The following BMP6 variants were observed in gnomAD, a reference collection of about 807,000 sequenced individuals.
BMP6 encodes the protein VG-1-R.
Under a neutral mutation model 54.1 loss-of-function variants are expected in BMP6, and 17 were observed. The observed-to-expected ratio is 0.31, with a 90% confidence interval of 0.22 to 0.47. BMP6 has a LOEUF of 0.47. BMP6 is among the 20% of genes least tolerant of loss of function. BMP6 has a pLI of 1.00. For synonymous variants in BMP6, 328 were observed against 291.2 expected (o/e 1.13, Z -1.28); for missense variants, 720 against 690.4 (o/e 1.04, Z -0.48).
At position 7,856,120 on chromosome 6, in the gene BMP6, T is replaced by TAAAAAAAAAAAAAA. The variant is rs56264814; in HGVS notation, c.858-5320_858-5307dup. Among the ~76,000 whole-genome samples the TAAAAAAAAAAAAAA allele has an allele frequency of 6.0e-5, 5 of 83,664 alleles. 1 individual carries two copies. The highest frequency in any genetic ancestry group is 1.1e-4 in the Non-Finnish European group (5 of 46,080). 54.9% of individuals were successfully genotyped at this position (83,664 alleles called of 152,430 possible). A position where few individuals can be genotyped will look rare whatever the true frequency, so the allele number is the denominator to read the frequency against. ...GAAAATTGAGTAATATCAAAGACTG[T>TAAAAAAAAAAAAAA]AAAAAAAAAAAAAAAAAAAAAAAAT... On this transcript the variant is annotated intron_variant, in intron 2 of 6. Coordinates refer to ENST00000283147, the MANE Select transcript of BMP6 (RefSeq NM_001718.6).
At chr6:7,868,700 C>T (rs1319586276) in intron 4 of BMP6, among the ~76,000 whole-genome samples, 1 of 152,270 alleles carries the variant, frequency 6.6e-6, no homozygotes, top group Non-Finnish European at 1.5e-5. Context: ...ACATGTGGAG[C>T]ATGCCGCTTT....
chr6:7,871,355 C>A (rs1435807060), intron 4 of BMP6, among the ~76,000 whole-genome samples: 3 of 152,246 alleles, frequency 2.0e-5, no homozygotes, highest in Admixed American at 1.3e-4. Flanking sequence ...ACATCTGATA[C>A]ATTCTCAAAG....
At chr6:7,834,313 TATCATCAGAGTGA>T (rs56790102) in intron 1 of BMP6, among the ~76,000 whole-genome samples, 75,046 of 150,866 alleles carry the variant, frequency 0.5, 19,255 homozygotes, top group East Asian at 0.78. Context: ...CCAAAATGTG[TATCATCAGAGTGA>T]ATCATCAGAG....
At chr6:7,857,709 G>A (rs1759269626) in intron 2 of BMP6, among the ~76,000 whole-genome samples, 1 of 152,200 alleles carries the variant, frequency 6.6e-6, no homozygotes, top group South Asian at 2.1e-4. Context: ...TTTACAGTCC[G>A]CAGACTAGGA....
At chr6:7,777,441 C>T (rs992429936) in intron 1 of BMP6, among the ~76,000 whole-genome samples, 2 of 152,132 alleles carry the variant, frequency 1.3e-5, no homozygotes, top group African/African-American at 4.8e-5. Context: ...CTAAAGCTCC[C>T]TCAGAGTACC....
chr6:7,727,513 C>G lies in BMP6; in HGVS notation c.558C>G (p.Ser186Arg). Reference protein sequence around the residue: ...PGAAHPLNRKSLLAPGSGSGG... With the variant: ...PGAAHPLNRKRLLAPGSGSGG... Reference sequence around the variant, plus strand: ...CCGCGCACCCGCTCAACCGCAAGAGCCTTCTGGCCCCCGGATCTGGCAGCG... The same window carrying G: ...CCGCGCACCCGCTCAACCGCAAGAGGCTTCTGGCCCCCGGATCTGGCAGCG... Residue 186 changes from serine (S) to arginine (R), a missense_variant, in exon 1 of 7, where the codon AGC becomes AGG. Ser to Arg is a moderately radical substitution (Grantham distance 110, BLOSUM62 -1). This residue lies in a region of BMP6 where 650 missense variants were observed against 556.3 expected (regional missense o/e 1.17). Transcript: ENST00000283147. The G allele has an allele frequency of 6.3e-7, 1 of 1,595,930 alleles. No homozygotes were observed. Among genetic ancestry groups the G allele is most frequent in the Non-Finnish European group, 8.5e-7 (1 of 1,177,518 alleles).
chr6:7,772,145 C>T (rs1757799459), intron 1 of BMP6, among the ~76,000 whole-genome samples: 1 of 152,130 alleles, frequency 6.6e-6, no homozygotes, highest in African/African-American at 2.4e-5. Context: ...TTGGGAACCC[C>T]ACACTCCCCT....
At chr6:7,791,132 C>T (rs1758100428) in intron 1 of BMP6, among the ~76,000 whole-genome samples, 1 of 152,160 alleles carries the variant, frequency 6.6e-6, no homozygotes, top group Admixed American at 6.5e-5. Context: ...TTTACCCCAC[C>T]AGAGGGTGGA....
intron 1 of BMP6, among the ~76,000 whole-genome samples, chr6:7,789,201 A>G (rs939527322): frequency 7.2e-5 from 11 of 152,156 alleles, no homozygotes; most frequent in Admixed American, 2.0e-4. Context: ...CGTCTCCCCA[A>G]AGGCTTTACT....
At chr6:7,742,652 T>C (rs988062352) in intron 1 of BMP6, among the ~76,000 whole-genome samples, 2 of 152,168 alleles carry the variant, frequency 1.3e-5, no homozygotes, top group Admixed American at 6.5e-5. Context: ...ATGTGCATTA[T>C]TGCTTCACTG....
chr6:7,851,424 A>G (rs1759140499), intron 2 of BMP6, among the ~76,000 whole-genome samples: 1 of 152,198 alleles, frequency 6.6e-6, no homozygotes. Flanking sequence ...CATATAGCAT[A>G]CCATTGATTT....
intron 2 of BMP6, among the ~76,000 whole-genome samples, chr6:7,855,758 G>T (rs143220725): frequency 8.6e-5 from 13 of 151,432 alleles, no homozygotes; most frequent in African/African-American, 3.1e-4. Context: ...CGAACCCCTG[G>T]GCTCAAGTGA....
chr6:7,868,302 A>C (rs537983211), intron 4 of BMP6, among the ~76,000 whole-genome samples: 2 of 152,294 alleles, frequency 1.3e-5, no homozygotes, highest in South Asian at 4.1e-4. Context: ...GACTCTGATC[A>C]AACTGTCCAC....
intron 4 of BMP6, among the ~76,000 whole-genome samples, chr6:7,862,817 A>G (rs1483253186): frequency 6.6e-6 from 1 of 151,724 alleles, no homozygotes. Context: ...GGGAGCACCT[A>G]GATTCTTTTT....
intron 2 of BMP6, among the ~76,000 whole-genome samples, chr6:7,859,676 C>T (rs1017639160): frequency 3.3e-5 from 5 of 151,952 alleles, no homozygotes; most frequent in African/African-American, 9.7e-5. Context: ...GGACACCCCC[C>T]GCACCCCCCG....
At chr6:7,852,108 C>A (rs1057233453) in intron 2 of BMP6, among the ~76,000 whole-genome samples, 2 of 152,152 alleles carry the variant, frequency 1.3e-5, no homozygotes, top group African/African-American at 4.8e-5. Context: ...GAAAAAAGTT[C>A]TAGATACTGT....
intron 1 of BMP6, among the ~76,000 whole-genome samples, chr6:7,816,980 T>G (rs1758538136): frequency 6.6e-6 from 1 of 151,826 alleles, no homozygotes; most frequent in Admixed American, 6.6e-5. Context: ...TGTTCTGAAC[T>G]CTACTTGGAA....
At chr6:7,814,182 G>A (rs570761239) in intron 1 of BMP6, among the ~76,000 whole-genome samples, 4 of 152,338 alleles carry the variant, frequency 2.6e-5, no homozygotes, top group Admixed American at 2.6e-4. Flanking sequence ...AAGAGCTGCT[G>A]AGATTCAATT....
chr6:7,825,379 T>C (rs1758678740), intron 1 of BMP6, among the ~76,000 whole-genome samples: 1 of 152,218 alleles, frequency 6.6e-6, no homozygotes, highest in African/African-American at 2.4e-5. Context: ...TTTATTGACA[T>C]TGTTATGTCA....
Sources: gnomAD v4.1 joint callset for allele counts (sites outside exome capture counted in the v4.1 genomes callset) on GRCh38, gnomAD v4.1.1 for gene constraint, gnomAD v4.1.1 regional missense constraint, MANE v1.5 for transcripts, NCBI Gene and HGNC (gene_info 2026-07-23, HGNC 2026-07-21) for gene names.